Variants in FGGY observed in about 807,000 individuals in gnomAD.
The protein encoded by FGGY is FGGY carbohydrate kinase domain-containing protein.
Under a neutral mutation model 71.3 loss-of-function variants are expected in FGGY, and 72 were observed. The observed-to-expected ratio is 1.01, with a 90% CI of 0.84 to 1.23. FGGY has a LOEUF of 1.23. Ranked by LOEUF, FGGY falls within the 50% of genes most tolerant of loss-of-function variation. The pLI is 0.00. For missense variants in FGGY, 668 were observed against 682.3 expected (o/e 0.98, Z 0.23); for synonymous variants, 251 against 250.3 (o/e 1.00, Z -0.02).
At chr1:59,433,339 G>T (rs184313021) in intron 5 of FGGY, among the ~76,000 whole-genome samples, 56 of 152,296 alleles carry the variant, frequency 3.7e-4, no homozygotes, top group South Asian at 1.2e-3. Flanking sequence ...ATTAAATGAA[G>T]GCCAAGGAGC....
intron 10 of FGGY, among the ~76,000 whole-genome samples, chr1:59,630,472 C>T (rs2096898519): frequency 6.6e-6 from 1 of 152,066 alleles, no homozygotes; most frequent in African/African-American, 2.4e-5. Context: ...CTGTTCTGCC[C>T]TGAATGTCTC....
At chr1:59,536,831 T>A (rs956299893) in intron 7 of FGGY, among the ~76,000 whole-genome samples, 1 of 152,184 alleles carries the variant, frequency 6.6e-6, no homozygotes, top group Non-Finnish European at 1.5e-5. Flanking sequence ...AAATTAGATA[T>A]TGATGGGACA....
intron 8 of FGGY, among the ~76,000 whole-genome samples, chr1:59,594,175 G>A (rs982770266): frequency 3.3e-5 from 5 of 152,048 alleles, no homozygotes; most frequent in African/African-American, 4.8e-5. Context: ...CACCTGCTGC[G>A]TTTGTAGCCA....
intron 7 of FGGY, among the ~76,000 whole-genome samples, chr1:59,530,323 A>G (rs773311690): frequency 2.0e-5 from 3 of 152,236 alleles, no homozygotes; most frequent in Admixed American, 6.5e-5. Context: ...ATAGCTGACT[A>G]TGCAAAAATA....
At chr1:59,607,287 G>A (rs2096632781) in intron 8 of FGGY, among the ~76,000 whole-genome samples, 1 of 152,190 alleles carries the variant, frequency 6.6e-6, no homozygotes, top group East Asian at 1.9e-4. Context: ...GCCTTGTAGG[G>A]CATGGTCTTG....
chr1:59,540,957 C>T (rs2095430586), intron 7 of FGGY, among the ~76,000 whole-genome samples: 1 of 152,172 alleles, frequency 6.6e-6, no homozygotes, highest in Non-Finnish European at 1.5e-5. Context: ...TACTCATAAT[C>T]ATGAGTAATC....
intron 9 of FGGY, among the ~76,000 whole-genome samples, chr1:59,612,358 A>G (rs1463213082): frequency 6.6e-6 from 1 of 152,248 alleles, no homozygotes; most frequent in Non-Finnish European, 1.5e-5. Flanking sequence ...TCTTAAAGAA[A>G]AGAATTTTCA....
At chr1:59,615,827 G>A (rs1369106065) in intron 9 of FGGY, among the ~76,000 whole-genome samples, 3 of 152,124 alleles carry the variant, frequency 2.0e-5, no homozygotes, top group Admixed American at 6.5e-5. Context: ...CCATCAGCAA[G>A]TGGGCGAAAG....
chr1:59,436,250 T>C (rs998605997), intron 5 of FGGY, among the ~76,000 whole-genome samples: 16 of 152,080 alleles, frequency 1.1e-4, no homozygotes, highest in Non-Finnish European at 1.6e-4. Context: ...TCCCTGCTCT[T>C]CCTTATGTTC....
At chr1:59,504,082 T>C (rs1354882402) in intron 6 of FGGY, among the ~76,000 whole-genome samples, 1 of 151,590 alleles carries the variant, frequency 6.6e-6, no homozygotes, top group Admixed American at 6.6e-5. Context: ...TTGTCAATCA[T>C]GCCTGTGTAA....
In FGGY at chr1:59,652,737, C is replaced by T. The variant is rs1476701555; in HGVS notation, c.1222-7482C>T. The stretch of plus-strand genomic sequence containing the variant: ...CTCAGAGTAATTTGATCATCTGAAG[C>T]CTTCTTCTCTCAGCTCGTCAAAGTC... On this transcript the variant is annotated intron_variant, in intron 11 of 15. Coordinates refer to ENST00000303721, the MANE Select transcript of FGGY (RefSeq NM_018291.5). 3.4e-3 allele frequency among the ~76,000 whole-genome samples: 508 copies of T among 151,128 alleles called. 2 individuals are homozygous for T. Among genetic ancestry groups the T allele is most frequent in the African/African-American group, 0.012 (482 of 41,244 alleles).
intron 14 of FGGY, chr1:59,699,499 A>G (rs1251524635): frequency 1.8e-5 from 13 of 739,304 alleles, no homozygotes; most frequent in Non-Finnish European, 2.0e-5. Flanking sequence ...CTCTTTTGCC[A>G]TGGATAGAAA....
intron 14 of FGGY, among the ~76,000 whole-genome samples, chr1:59,753,467 A>AATATATAT (rs57074120): frequency 0.015 from 695 of 47,744 alleles, 38 homozygotes; most frequent in Non-Finnish European, 0.018. Context: ...CATAACTTTA[A>AATATATAT]ATATATATAT....
rs149120237 is a variant in FGGY, at chr1:59,699,277, A to G, written c.1512+25144A>G. On this transcript the variant is annotated intron_variant, in intron 14 of 15. Transcript: ENST00000303721. ...TCTTGGGGTGAGCCTTTGAGTTTAA[A>G]AGGAAATTAAAAATTCAATTAGAGA... 2.0e-3 allele frequency: 1,937 copies of G among 985,250 alleles called. 6 individuals carry two copies. Among genetic ancestry groups the G allele is most frequent in the Middle Eastern group, 9.4e-3 (18 of 1,912 alleles). 61.0% of individuals were successfully genotyped at this position (985,250 alleles called of 1,614,324 possible).
At chr1:59,312,964 A>G (rs1249849365) in intron 1 of FGGY, among the ~76,000 whole-genome samples, 1 of 152,166 alleles carries the variant, frequency 6.6e-6, no homozygotes, top group Non-Finnish European at 1.5e-5. Flanking sequence ...ATTTAATACC[A>G]TGTCCCTCTT....
chr1:59,496,140 G>A (rs1239718392), intron 6 of FGGY, among the ~76,000 whole-genome samples: 2 of 151,954 alleles, frequency 1.3e-5, no homozygotes, highest in South Asian at 2.1e-4. Flanking sequence ...CCATTTATTT[G>A]TGTCATCTCT....
intron 11 of FGGY, among the ~76,000 whole-genome samples, chr1:59,653,443 T>G (rs149827580): frequency 0.03 from 4,585 of 152,214 alleles, 246 homozygotes; most frequent in African/African-American, 0.1. Flanking sequence ...AGGTGTGGGA[T>G]ATAGTCTCGT....
intron 12 of FGGY, among the ~76,000 whole-genome samples, chr1:59,662,018 C>T (rs1193517343): frequency 2.1e-5 from 3 of 145,294 alleles, no homozygotes; most frequent in Admixed American, 6.7e-5. Flanking sequence ...CGCACCTGGC[C>T]GAGTTAAGAG....
intron 15 of FGGY, among the ~76,000 whole-genome samples, chr1:59,759,982 A>G (rs1283002241): frequency 6.6e-6 from 1 of 152,226 alleles, no homozygotes; most frequent in Non-Finnish European, 1.5e-5. Context: ...GCATTGAAAG[A>G]CACTATCAAC....
Sources: gnomAD v4.1 joint callset for allele counts (sites outside exome capture counted in the v4.1 genomes callset) on GRCh38, gnomAD v4.1.1 for gene constraint, MANE v1.5 for transcripts, NCBI Gene and HGNC (gene_info 2026-07-23, HGNC 2026-07-21) for gene names.